GREB1L: variants seen among roughly 807,000 people sequenced by gnomAD.
GREB1L encodes the protein GREB1-like protein.
In GREB1L, 17 loss-of-function variants were observed where a neutral mutation model predicts 200.8. The ratio of observed to expected loss-of-function variants is 0.08; its 90% CI spans 0.06 to 0.13. The LOEUF (loss-of-function observed/expected upper bound fraction) is 0.13. Ranked by LOEUF, GREB1L falls within the 10% of genes least tolerant of loss-of-function variation. GREB1L has a pLI of 1.00. For synonymous variants in GREB1L, 789 were observed against 893.0 expected, an observed-to-expected ratio of 0.88 and a Z score of 2.08; for missense variants, 1,657 against 2,367.7, an observed-to-expected ratio of 0.70 and a Z score of 6.23.
intron 7 of GREB1L, among the ~76,000 whole-genome samples, chr18:21,421,703 G>A (rs1388814259): frequency 6.6e-6 from 1 of 152,168 alleles, no homozygotes; most frequent in Non-Finnish European, 1.5e-5. Context: ...TGAGGTTGTA[G>A]TGTCATTTTG....
intron 1 of GREB1L, among the ~76,000 whole-genome samples, chr18:21,330,009 T>A: frequency 6.7e-6 from 1 of 150,160 alleles, no homozygotes; most frequent in Non-Finnish European, 1.5e-5. Context: ...ACTTTTTCCC[T>A]AGGTCTTCAA....
intron 28 of GREB1L, 22 bp downstream of exon 28, chr18:21,514,008 G>T (rs964056828): frequency 1.1e-5 from 17 of 1,547,450 alleles, no homozygotes; most frequent in South Asian, 2.4e-5. Flanking sequence ...AGCTGGGGGC[G>T]TATGACACAA....
chr18:21,521,881 G>A (rs1407135311), intron 32 of GREB1L, among the ~76,000 whole-genome samples: 2 of 151,508 alleles, frequency 1.3e-5, no homozygotes, highest in Non-Finnish European at 2.9e-5. Flanking sequence ...GCGTGCACCT[G>A]TAGTCCCAGC....
rs951583005 is a variant in GREB1L at position 21,524,750 on chromosome 18, ATTAG to A, written c.*1934_*1937del. 2.0e-5 allele frequency: 3 copies of A among 152,086 alleles called. No individual in the cohort carries two copies. The highest frequency in any genetic ancestry group is 7.2e-5 in the African/African-American group (3 of 41,416). 9.4% of individuals were successfully genotyped at this position (152,086 alleles called of 1,614,324 possible). A position where few individuals can be genotyped will look rare whatever the true frequency, so the allele number is the denominator to read the frequency against. On this transcript the variant is annotated 3_prime_UTR_variant, in exon 33 of 33. Transcript: ENST00000424526. ...TAGTTACATCAGATGCAGGTACTCC[ATTAG>A]TTAGGGCTGCACTCTGAAAATTCAA...
intron 27 of GREB1L, among the ~76,000 whole-genome samples, chr18:21,511,215 T>C (rs1307667113): frequency 6.6e-6 from 1 of 152,006 alleles, no homozygotes; most frequent in Non-Finnish European, 1.5e-5. Context: ...AAATACAAAA[T>C]TAGCCTGGCA....
chr18:21,249,892 G>C (rs1345879196), intron 1 of GREB1L, among the ~76,000 whole-genome samples: 1 of 151,526 alleles, frequency 6.6e-6, no homozygotes, highest in African/African-American at 2.4e-5. Context: ...AAATATCTCT[G>C]TTCTCAGGAG....
chr18:21,289,891 G>A (rs2038419413), intron 1 of GREB1L, among the ~76,000 whole-genome samples: 1 of 152,136 alleles, frequency 6.6e-6, no homozygotes, highest in African/African-American at 2.4e-5. Flanking sequence ...GACATGGAGG[G>A]TTTTTTGTTG....
intron 12 of GREB1L, 28 bp from the exon 13 acceptor site, chr18:21,450,995 G>A (rs901250950): frequency 3.2e-6 from 5 of 1,548,746 alleles, no homozygotes; most frequent in Non-Finnish European, 3.5e-6. Flanking sequence ...CTGTTGATGA[G>A]TCTTCTCTTC....
At chr18:21,462,419 T>C (rs2145574807) in intron 15 of GREB1L, among the ~76,000 whole-genome samples, 1 of 152,358 alleles carries the variant, frequency 6.6e-6, no homozygotes, top group Admixed American at 6.5e-5. Flanking sequence ...CAGAAGCTAA[T>C]GAAAAAGTTT....
intron 15 of GREB1L, among the ~76,000 whole-genome samples, chr18:21,468,466 T>C (rs1405832905): frequency 1.3e-5 from 2 of 152,188 alleles, no homozygotes; most frequent in African/African-American, 4.8e-5. Flanking sequence ...GTGACTGTTG[T>C]CCAACTCCAT....
chr18:21,310,746 G>C (rs1010122467), intron 1 of GREB1L, among the ~76,000 whole-genome samples: 1 of 152,112 alleles, frequency 6.6e-6, no homozygotes, highest in African/African-American at 2.4e-5. Context: ...CTATTACTAA[G>C]AGTTTGACAT....
chr18:21,497,193 A>G (rs1279030011), intron 21 of GREB1L, among the ~76,000 whole-genome samples: 1 of 152,210 alleles, frequency 6.6e-6, no homozygotes, highest in Non-Finnish European at 1.5e-5. Flanking sequence ...GTCAATGGTG[A>G]AGGCCCACCC....
At chr18:21,443,323 C>G (rs755079108) in intron 10 of GREB1L, among the ~76,000 whole-genome samples, 4 of 152,144 alleles carry the variant, frequency 2.6e-5, no homozygotes, top group Non-Finnish European at 5.9e-5. Context: ...CTGCCTCAGC[C>G]TCCCATGTAG....
At chr18:21,341,555 T>G (rs2039270277) in intron 1 of GREB1L, among the ~76,000 whole-genome samples, 1 of 152,164 alleles carries the variant, frequency 6.6e-6, no homozygotes, top group Non-Finnish European at 1.5e-5. Flanking sequence ...AAATCTTTTG[T>G]AGAGACAGGT....
chr18:21,259,519 G>A (rs1024840749), intron 1 of GREB1L, among the ~76,000 whole-genome samples: 2 of 151,938 alleles, frequency 1.3e-5, no homozygotes, highest in African/African-American at 4.8e-5. Flanking sequence ...TGTGACTTGT[G>A]GTTTTCTAGA....
At chr18:21,423,945 G>T (rs1019977) in intron 7 of GREB1L, among the ~76,000 whole-genome samples, 51,116 of 152,036 alleles carry the variant, frequency 0.34, 12,175 homozygotes, top group African/African-American at 0.64. Flanking sequence ...AGCATTATAC[G>T]TTCTTGCACT....
intron 27 of GREB1L, among the ~76,000 whole-genome samples, chr18:21,510,549 C>T (rs1342438868): frequency 6.6e-6 from 1 of 152,180 alleles, no homozygotes; most frequent in East Asian, 1.9e-4. Context: ...GAATAATATT[C>T]CATTTTATGT....
intron 1 of GREB1L, among the ~76,000 whole-genome samples, chr18:21,249,154 T>G (rs1419817259): frequency 6.6e-6 from 1 of 152,080 alleles, no homozygotes; most frequent in African/African-American, 2.4e-5. Context: ...TTTTTTTTTA[T>G]TTAGGTAGAT....
intron 17 of GREB1L, among the ~76,000 whole-genome samples, chr18:21,478,699 A>G (rs2035804755): frequency 6.6e-6 from 1 of 152,094 alleles, no homozygotes; most frequent in Non-Finnish European, 1.5e-5. Context: ...CTTTCTTGGT[A>G]TCTTCTCCAT....
Sources: allele counts gnomAD v4.1 joint callset (sites outside exome capture counted in the v4.1 genomes callset), GRCh38; gene constraint gnomAD v4.1.1; transcripts MANE v1.5; gene names NCBI Gene and HGNC (gene_info 2026-07-23, HGNC 2026-07-21).